The following RAB11FIP3 variants were observed in gnomAD, a reference collection of about 807,000 sequenced individuals.
RAB11FIP3 encodes the protein RAB11 family interacting protein 3, also known as rab11 family-interacting protein 3.
RAB11FIP3 carries 17 observed loss-of-function variants against 77.8 expected under a neutral mutation model. The ratio of observed to expected loss-of-function variants is 0.22; its 90% CI spans 0.15 to 0.33. The LOEUF is 0.33. Among genes scored for constraint, RAB11FIP3 ranks in the 10% least tolerant of loss-of-function variants. RAB11FIP3 has a pLI of 1.00. For missense variants in RAB11FIP3, 1,005 were observed against 1,011.2 expected (o/e 0.99, Z 0.08); for synonymous variants, 437 against 448.2 (o/e 0.98, Z 0.31).
Position 506,083 on chromosome 16 carries a change from C to T in RAB11FIP3, c.1499+456C>T, listed in dbSNP as rs148729414. The stretch of plus-strand genomic sequence containing the variant: ...AAATGAGCAGTGACTGCTGAGTACG[C>T]GACAGGACGCGCAGTCTCATCGCTG... On this transcript the variant is annotated intron_variant, in intron 8 of 13. Coordinates refer to ENST00000262305, the MANE Select transcript of RAB11FIP3 (RefSeq NM_014700.4). The surrounding 1 kb of genome is among the most constrained non-coding windows in gnomAD (Gnocchi z 4.5). Among the ~76,000 whole-genome samples the T allele has an allele frequency of 5.3e-5, 8 of 152,322 alleles. No homozygotes were observed. The East Asian group carries it at 5.8e-4, about 11-fold the overall frequency.
chr16:457,215 T>C lies in RAB11FIP3; in HGVS notation c.715-4189T>C, dbSNP rs1171571040. ...ATCCTGGGAGGAGTCTCTGGGATCC[T>C]AGTTGACTGTGGTGGGAGAACTTGT... is the stretch of plus-strand genomic sequence containing the variant. On this transcript the variant is annotated intron_variant, in intron 1 of 13. Coordinates refer to ENST00000262305, the MANE Select transcript of RAB11FIP3 (RefSeq NM_014700.4). Among the ~76,000 whole-genome samples, 3 of 152,190 alleles carry C rather than the reference T, an allele frequency of 2.0e-5. No individual in the cohort carries two copies. The East Asian group carries it at 5.8e-4, about 29-fold the overall frequency.
chr16:497,425 C>T, intron 6 of RAB11FIP3: 9 of 1,250,702 alleles, frequency 7.2e-6, no homozygotes, highest in South Asian at 4.1e-5. Flanking sequence ...GTGTGGCTGC[C>T]GGGTGGCCTC....
In RAB11FIP3 at chr16:451,813, C is replaced by T. The variant is rs144891871; in HGVS notation, c.715-9591C>T. Among the ~76,000 whole-genome samples the T allele has an allele frequency of 1.8e-3, 267 of 150,944 alleles. 1 individual carries two copies. Among genetic ancestry groups the T allele is most frequent in the African/African-American group, 6.0e-3 (246 of 41,046 alleles). ...TCACACCATTGCACTCCAGTCTGGGCGACAGAGCAAGACTCTCTCTCAAAA... is the reference window on the plus strand; with the variant it reads ...TCACACCATTGCACTCCAGTCTGGGTGACAGAGCAAGACTCTCTCTCAAAA... On this transcript the variant is annotated intron_variant, in intron 1 of 13. Coordinates refer to ENST00000262305, the MANE Select transcript of RAB11FIP3 (RefSeq NM_014700.4).
At position 505,494 on chromosome 16, in the gene RAB11FIP3, C is replaced by T; in HGVS notation, c.1396-30C>T. The T allele has an allele frequency of 1.9e-6, 3 of 1,576,362 alleles. No individual in the cohort carries two copies. Among genetic ancestry groups the T allele is most frequent in the South Asian group, 1.1e-5 (1 of 87,572 alleles). On this transcript the variant is annotated intron_variant, in intron 7 of 13. Transcript: ENST00000262305. The surrounding 1 kb of genome is among the most constrained non-coding windows in gnomAD (Gnocchi z 4.0). ...TGCAGGCCCTTCTGCTTCTGGCTGC[C>T]TGACCCTGAAGCCTGGTCTCATTGC... is the stretch of plus-strand genomic sequence containing the variant.
chr16:425,857 A>ACTC lies in RAB11FIP3; in HGVS notation c.-149_-148insTCC, dbSNP rs2054929403. On this transcript the variant is annotated 5_prime_UTR_variant, in exon 1 of 14. Coordinates refer to ENST00000262305, the MANE Select transcript of RAB11FIP3 (RefSeq NM_014700.4). ...AGGCGCGGTGCGAAGATGGGCGAGG[A>ACTC]CAGAGCAGGGCCCGAGCGCCAGCCC... 2 of 269,106 alleles carry ACTC rather than the reference A, an allele frequency of 7.4e-6. No individual in the cohort carries two copies. Among genetic ancestry groups the ACTC allele is most frequent in the Non-Finnish European group, 1.4e-5 (2 of 145,964 alleles). 16.7% of individuals were successfully genotyped at this position (269,106 alleles called of 1,614,324 possible).
Position 455,656 on chromosome 16 carries a change from C to T in RAB11FIP3, c.715-5748C>T, listed in dbSNP as rs111467562. Reference sequence around the variant, plus strand: ...CTGTCGCCCACGTGGAATGCAGTGACGCAATCATGGCTCGCTGCAGCCTCA... The same window carrying T: ...CTGTCGCCCACGTGGAATGCAGTGATGCAATCATGGCTCGCTGCAGCCTCA... On this transcript the variant is annotated intron_variant, in intron 1 of 13. Transcript: ENST00000262305. Among the ~76,000 whole-genome samples the T allele has an allele frequency of 7.4e-3, 1,123 of 152,082 alleles. 13 individuals are homozygous for T. Among genetic ancestry groups the T allele is most frequent in the Middle Eastern group, 0.01 (3 of 294 alleles).
intron 3 of RAB11FIP3, among the ~76,000 whole-genome samples, chr16:473,848 C>T (rs2141691658): frequency 6.6e-6 from 1 of 152,248 alleles, no homozygotes; most frequent in Non-Finnish European, 1.5e-5. Context: ...CGATTCAGTG[C>T]CGGCTCATCC....
At chr16:495,996 C>T (rs11864191) in intron 5 of RAB11FIP3, among the ~76,000 whole-genome samples, 16,359 of 152,166 alleles carry the variant, frequency 0.11, 1,129 homozygotes, top group East Asian at 0.2. Context: ...GAGATCCACC[C>T]GCCTCAGCCT....
intron 5 of RAB11FIP3, among the ~76,000 whole-genome samples, chr16:494,678 G>A (rs1037519555): frequency 6.6e-6 from 1 of 152,142 alleles, no homozygotes; most frequent in African/African-American, 2.4e-5. Context: ...AGAAAGGAGA[G>A]CCACACAGTA....
chr16:431,995 G>A (rs745633024), intron 1 of RAB11FIP3, among the ~76,000 whole-genome samples: 1 of 152,076 alleles, frequency 6.6e-6, no homozygotes, highest in Non-Finnish European at 1.5e-5. Flanking sequence ...CTGACCGCAT[G>A]ATCCGCCCAC....
chr16:461,581 C>A lies in RAB11FIP3; in HGVS notation c.808+84C>A. On this transcript the variant is annotated intron_variant, in intron 2 of 13. Transcript: ENST00000262305. This position sits in a 1 kb window ranked among gnomAD's most constrained non-coding sequence, Gnocchi z 4.5. ...GCCACCTGCACATCACCAGGCTCCT[C>A]GTGCTGACTCTAACATCTTTCCTTC... 1 of 1,119,700 alleles carries A rather than the reference C, an allele frequency of 8.9e-7. No individual in the cohort carries two copies. The highest frequency in any genetic ancestry group is 1.3e-6 in the Non-Finnish European group (1 of 744,430). 69.4% of individuals were successfully genotyped at this position (1,119,700 alleles called of 1,614,324 possible).
At chr16:427,308 C>CTT (rs1298238796) in intron 1 of RAB11FIP3, among the ~76,000 whole-genome samples, 6 of 152,164 alleles carry the variant, frequency 3.9e-5, no homozygotes, top group Admixed American at 2.0e-4. Context: ...AGAATTTTTA[C>CTT]TTTGGTGCCT....
intron 8 of RAB11FIP3, among the ~76,000 whole-genome samples, chr16:510,193 G>T (rs535619972): frequency 6.7e-6 from 1 of 148,872 alleles, no homozygotes; most frequent in South Asian, 2.1e-4. Context: ...CGTGCCTCTG[G>T]GCTCTGAGCG....
chr16:469,236 C>T (rs1340772794), intron 2 of RAB11FIP3, among the ~76,000 whole-genome samples: 2 of 151,856 alleles, frequency 1.3e-5, no homozygotes, highest in Admixed American at 1.3e-4. Context: ...CCACCATGCC[C>T]AGCTAATTTT....
chr16:458,846 C>G (rs1356377870), intron 1 of RAB11FIP3, among the ~76,000 whole-genome samples: 1 of 152,116 alleles, frequency 6.6e-6, no homozygotes, highest in Non-Finnish European at 1.5e-5. Flanking sequence ...CTCTCTTTTT[C>G]TCTTTTGCTG....
At chr16:503,133 G>T in intron 7 of RAB11FIP3, 36 bp downstream of exon 7, 1 of 1,543,978 alleles carries the variant, frequency 6.5e-7, no homozygotes, top group South Asian at 1.1e-5. Flanking sequence ...GGCAAGTAGG[G>T]GATTTAGAAC....
In RAB11FIP3 at chr16:436,292, G is replaced by A. The variant is rs1022445743; in HGVS notation, c.714+9572G>A. Among the ~76,000 whole-genome samples the A allele has an allele frequency of 5.3e-5, 8 of 152,108 alleles. 1 individual carries two copies. The highest frequency in any genetic ancestry group is 1.9e-4 in the African/African-American group (8 of 41,414). ...CCACCGCACTCCAGCCCAGGCGAAA[G>A]TGCAAGACTGTGTCTCAAAGAAGAA... On this transcript the variant is annotated intron_variant, in intron 1 of 13. Coordinates refer to ENST00000262305, the MANE Select transcript of RAB11FIP3 (RefSeq NM_014700.4).
At chr16:443,612 C>T (rs1487815580) in intron 1 of RAB11FIP3, among the ~76,000 whole-genome samples, 1 of 152,202 alleles carries the variant, frequency 6.6e-6, no homozygotes, top group African/African-American at 2.4e-5. Context: ...GTCGCCCAGG[C>T]TGGAGTGCAG....
At chr16:497,295 C>G in intron 6 of RAB11FIP3, 7 of 1,304,378 alleles carry the variant, frequency 5.4e-6, no homozygotes, top group South Asian at 1.2e-5. Flanking sequence ...TTTCCAGCTT[C>G]GTATAGATCT....
Sources: allele counts gnomAD v4.1 joint callset (sites outside exome capture counted in the v4.1 genomes callset), GRCh38; gene constraint gnomAD v4.1.1; non-coding constraint Gnocchi (gnomAD v3.1); transcripts MANE v1.5; gene names NCBI Gene and HGNC (gene_info 2026-07-23, HGNC 2026-07-21).